TFEB: variants seen among roughly 807,000 people sequenced by gnomAD.
The protein encoded by TFEB is transcription factor EB, also known as T-cell transcription factor EB.
TFEB carries 12 observed loss-of-function variants against 48.0 expected under a neutral mutation model. The observed-to-expected ratio is 0.25, with a 90% CI of 0.16 to 0.40. The LOEUF (loss-of-function observed/expected upper bound fraction) is 0.40. TFEB is among the 10% of genes least tolerant of loss of function. The probability of loss-of-function intolerance (pLI) is 1.00; values close to 1 mark genes in which losing one functional copy is unlikely to be tolerated. For synonymous variants in TFEB, 244 were observed against 261.4 expected (o/e 0.93, Z 0.64); for missense variants, 509 against 640.3 (o/e 0.79, Z 2.21).
chr6:41,693,022 G>A (rs1218887119), intron 1 of TFEB, among the ~76,000 whole-genome samples: 1 of 152,198 alleles, frequency 6.6e-6, no homozygotes, highest in Admixed American at 6.5e-5. Context: ...GAAATTAATA[G>A]GTCTTGCACA....
At chr6:41,689,358 C>T (rs528779787) in intron 4 of TFEB, among the ~76,000 whole-genome samples, 45 of 152,236 alleles carry the variant, frequency 3.0e-4, no homozygotes, top group Non-Finnish European at 4.9e-4. Context: ...GGCCCAGGTC[C>T]CCAAAGGAGC....
intron 7 of TFEB, 68 bp downstream of exon 7, chr6:41,687,026 G>T: frequency 7.5e-7 from 1 of 1,338,110 alleles, no homozygotes; most frequent in Non-Finnish European, 1.1e-6. Flanking sequence ...ATGGGGCTGA[G>T]GGCAGATAAT....
At position 41,684,633 on chromosome 6, in the gene TFEB, C is replaced by T. The variant is rs767336673; in HGVS notation, c.1397G>A (p.Ser466Asn). The T allele has an allele frequency of 3.1e-6, 5 of 1,605,392 alleles. No homozygotes were observed. Among genetic ancestry groups the T allele is most frequent in the Non-Finnish European group, 4.3e-6 (5 of 1,175,958 alleles). Residue 466 changes from serine to asparagine, a missense_variant, in exon 9 of 9, where the codon AGC becomes AAC. Ser to Asn is a conservative substitution (Grantham distance 46). Around this residue, in one of 4 missense-constraint regions of TFEB, gnomAD observed 168 missense variants for 161.0 expected, o/e 1.04. Coordinates refer to ENST00000373033, the MANE Select transcript of TFEB (RefSeq NM_001271944.2). ...ATCGCCCTCCTCCATGCTGAAGCTG[C>T]TCCGGCGGCTGCTGGCCTTGGAGGC... ...PEASKASSRRSSFSMEEGDVL is the reference protein window; with the variant it reads ...PEASKASSRRNSFSMEEGDVL
rs1336417292 is a variant in TFEB, at chr6:41,709,686, G to A, written c.-22-18451C>T. On this transcript the variant is annotated intron_variant, in intron 1 of 8. Transcript: ENST00000373033. ...GAAAAGGTGGATATAATGGATAGAT[G>A]TATGCATGGATAGATGGATGGATGT... Among the ~76,000 whole-genome samples, 3 of 152,144 alleles carry A rather than the reference G, an allele frequency of 2.0e-5. No individual in the cohort carries two copies. In the East Asian group the frequency reaches 5.8e-4, roughly 29 times the overall value.
At chr6:41,692,650 G>A (rs1769375753) in intron 1 of TFEB, among the ~76,000 whole-genome samples, 1 of 152,212 alleles carries the variant, frequency 6.6e-6, no homozygotes, top group Admixed American at 6.5e-5. Context: ...GTGACCCTGG[G>A]TAAGTCCCCT....
intron 4 of TFEB, 79 bp from the exon 5 acceptor site, chr6:41,688,107 G>A (rs1250449174): frequency 9.8e-6 from 15 of 1,524,730 alleles, no homozygotes; most frequent in Admixed American, 2.0e-5. Context: ...ATCATCCCAG[G>A]AGCAGTCCTT....
chr6:41,723,598 C>T lies in TFEB; in HGVS notation c.-23+11752G>A, dbSNP rs1771080473. ...CCGGCGGCTGCTGTTTCTCACCCAG[C>T]CCCCTGCACCTCAGCTGGAGAGGAA... On this transcript the variant is annotated intron_variant, in intron 1 of 8. Coordinates refer to ENST00000373033, the MANE Select transcript of TFEB (RefSeq NM_001271944.2). The surrounding 1 kb of genome is among the most constrained non-coding windows in gnomAD (Gnocchi z 6.0). 1 of 1,184,548 alleles carries T rather than the reference C, an allele frequency of 8.4e-7. No homozygotes were observed. Among genetic ancestry groups the T allele is most frequent in the African/African-American group, 1.6e-5 (1 of 62,862 alleles). The allele number at this position is 1,184,548 out of a possible 1,614,324, so 73.4% of individuals were successfully genotyped here.
chr6:41,694,972 C>T (rs1385691532), intron 1 of TFEB, among the ~76,000 whole-genome samples: 2 of 152,210 alleles, frequency 1.3e-5, no homozygotes, highest in African/African-American at 2.4e-5. Flanking sequence ...CAGGACCCTC[C>T]AGCTGCCTCC....
intron 1 of TFEB, chr6:41,705,757 G>T (rs535906299): frequency 6.6e-6 from 1 of 152,242 alleles, no homozygotes; most frequent in East Asian, 1.9e-4. Flanking sequence ...GCAGGCCTAG[G>T]ATGTCCAAAA....
At chr6:41,685,229 T>G in intron 8 of TFEB, 151 bp from the exon 9 acceptor site, 17 of 1,066,366 alleles carry the variant, frequency 1.6e-5, no homozygotes, top group South Asian at 3.1e-5. Flanking sequence ...AGGGTAGCTC[T>G]AGAGTCTAGA....
chr6:41,690,377 G>A (rs1769236162), intron 3 of TFEB, among the ~76,000 whole-genome samples: 1 of 152,184 alleles, frequency 6.6e-6, no homozygotes, highest in South Asian at 2.1e-4. Flanking sequence ...TGATCTGGCT[G>A]CCTCAGCCTT....
chr6:41,714,210 C>T (rs528646744), intron 1 of TFEB, among the ~76,000 whole-genome samples: 8 of 150,596 alleles, frequency 5.3e-5, no homozygotes, highest in Admixed American at 1.3e-4. Context: ...CGTGCATGTG[C>T]GTGCGTGTCT....
rs1192052734 is a variant in TFEB at position 41,735,580 on chromosome 6, C to G, written c.-253G>C. On this transcript the variant is annotated 5_prime_UTR_variant, in exon 1 of 9. Coordinates refer to ENST00000373033, the MANE Select transcript of TFEB (RefSeq NM_001271944.2). ...CTCCGCTGTCACCGAGCCCCGCGCC[C>G]GGCGCCCGGGCTCCGGCTGTCACTC... 5.1e-6 allele frequency: 5 copies of G among 983,942 alleles called. No homozygotes were observed. In the Admixed American group the frequency reaches 1.9e-4, roughly 36 times the overall value. The allele number at this position is 983,942 out of a possible 1,614,324, so 61.0% of individuals were successfully genotyped here. A position where few individuals can be genotyped will look rare whatever the true frequency, so the allele number is the denominator to read the frequency against.
intron 1 of TFEB, among the ~76,000 whole-genome samples, chr6:41,708,177 T>C (rs1770323434): frequency 6.6e-6 from 1 of 152,262 alleles, no homozygotes; most frequent in Non-Finnish European, 1.5e-5. Context: ...TTCCTCTTTT[T>C]GTCCATGGCA....
At chr6:41,727,359 G>C (rs1399964534) in intron 1 of TFEB, among the ~76,000 whole-genome samples, 1 of 152,218 alleles carries the variant, frequency 6.6e-6, no homozygotes. Flanking sequence ...TGTGGAACTA[G>C]ATGGAGGCTC....
chr6:41,731,642 G>A (rs1053847012), intron 1 of TFEB, among the ~76,000 whole-genome samples: 3 of 152,182 alleles, frequency 2.0e-5, no homozygotes, highest in Non-Finnish European at 4.4e-5. Context: ...GCCAGTGAGA[G>A]GCACAGTGGG....
intron 7 of TFEB, chr6:41,686,580 A>C: frequency 4.3e-6 from 1 of 231,176 alleles, no homozygotes; most frequent in Non-Finnish European, 8.3e-6. Context: ...CAGTAGCGAG[A>C]TCTCGGCTCA....
chr6:41,735,773 G>T (rs942136062), upstream of TFEB, among the ~76,000 whole-genome samples: 3 of 152,212 alleles, frequency 2.0e-5, no homozygotes, highest in Non-Finnish European at 4.4e-5. Flanking sequence ...AGAGGCTCTT[G>T]ACTTGGAACC....
intron 1 of TFEB, among the ~76,000 whole-genome samples, chr6:41,695,907 G>T (rs1192378042): frequency 2.0e-5 from 3 of 152,222 alleles, no homozygotes; most frequent in Admixed American, 6.5e-5. Flanking sequence ...TCGCCAAGGG[G>T]AAGGAATCCC....
Sources: allele counts gnomAD v4.1 joint callset (sites outside exome capture counted in the v4.1 genomes callset), GRCh38; gene constraint gnomAD v4.1.1; regional missense constraint gnomAD v4.1.1; non-coding constraint Gnocchi (gnomAD v3.1); transcripts MANE v1.5; gene names NCBI Gene and HGNC (gene_info 2026-07-23, HGNC 2026-07-21).